Variants in FRMPD4 observed in about 807,000 individuals in gnomAD.
FRMPD4 encodes FERM and PDZ domain containing 4.
FRMPD4 carries 22 observed loss-of-function variants against 94.1 expected under a neutral mutation model. The observed-to-expected ratio is 0.23, with a 90% CI of 0.17 to 0.33. FRMPD4 has a LOEUF of 0.33. FRMPD4 is among the 10% of genes least tolerant of loss of function. The pLI, the probability that FRMPD4 is intolerant of heterozygous loss-of-function variation, is 1.00. For missense variants in FRMPD4, 1,111 were observed against 1,339.9 expected (o/e 0.83, Z 2.67); for synonymous variants, 631 against 548.6 (o/e 1.15, Z -2.10).
At chrX:12,611,853 T>C (rs1049587420) in intron 3 of FRMPD4, among the ~76,000 whole-genome samples, 2 of 104,260 alleles carry the variant, frequency 1.9e-5, no homozygotes, top group African/African-American at 6.7e-5. Flanking sequence ...AACAGATCTG[T>C]TGCTTCTTAT....
intron 1 of FRMPD4, among the ~76,000 whole-genome samples, chrX:12,163,280 A>G (rs926622964): frequency 1.8e-5 from 2 of 110,074 alleles, no homozygotes; most frequent in African/African-American, 6.6e-5. Context: ...TATTCCAATT[A>G]TTTATTCTCC....
chrX:12,635,620 G>A (rs751447076), intron 4 of FRMPD4, among the ~76,000 whole-genome samples: 7 of 111,266 alleles, frequency 6.3e-5, no homozygotes, highest in South Asian at 3.8e-4. Context: ...GGTCTGGGCC[G>A]TATTCCTGCC....
At chrX:12,696,586 C>CAAAAAAAAAAAAAAAAAAAAAAA (rs57877846) in intron 9 of FRMPD4, among the ~76,000 whole-genome samples, 2 of 30,061 alleles carry the variant, frequency 6.7e-5, no homozygotes, top group African/African-American at 1.1e-4. Flanking sequence ...AAAAATGAAG[C>CAAAAAAAAAAAAAAAAAAAAAAA]AAAAAAAAAA....
intron 1 of FRMPD4, among the ~76,000 whole-genome samples, chrX:12,452,573 G>A (rs781493047): frequency 1.1e-4 from 12 of 111,882 alleles, no homozygotes; most frequent in African/African-American, 3.9e-4. Flanking sequence ...CTCCTGCAAG[G>A]CCTATGTTTT....
intron 3 of FRMPD4, among the ~76,000 whole-genome samples, chrX:12,072,968 AG>A (rs886833578): frequency 1.8e-5 from 2 of 110,480 alleles, no homozygotes; most frequent in African/African-American, 6.6e-5. Context: ...TGTATCACTT[AG>A]GGTATTTATC....
intron 3 of FRMPD4, among the ~76,000 whole-genome samples, chrX:11,894,547 T>C (rs765481424): frequency 3.5e-4 from 39 of 112,399 alleles, no homozygotes; most frequent in Non-Finnish European, 6.4e-4. Flanking sequence ...TGGGGAACTA[T>C]AGAAACCCAG....
At chrX:12,452,073 G>A (rs1407315162) in intron 1 of FRMPD4, among the ~76,000 whole-genome samples, 4 of 110,481 alleles carry the variant, frequency 3.6e-5, no homozygotes, top group Admixed American at 9.7e-5. Context: ...TCTGTTTACA[G>A]GGATAATAAT....
intron 2 of FRMPD4, among the ~76,000 whole-genome samples, chrX:12,549,015 T>G (rs777980575): frequency 9.0e-6 from 1 of 111,714 alleles, no homozygotes; most frequent in Admixed American, 9.6e-5. Flanking sequence ...CCAGGTCGAT[T>G]TTTTTGGCAC....
intron 2 of FRMPD4, among the ~76,000 whole-genome samples, chrX:12,563,031 TAAC>T (rs984593544): frequency 1.8e-5 from 2 of 111,393 alleles, no homozygotes; most frequent in African/African-American, 6.5e-5. Context: ...AAAAATATTT[TAAC>T]AACAGTTACA....
At position 12,096,712 on chromosome X, in the gene FRMPD4, C is replaced by T. The variant is rs373150529; in HGVS notation, c.95+218694C>T. 2.0e-4 allele frequency among the ~76,000 whole-genome samples: 22 copies of T among 111,041 alleles called. No individual in the cohort carries two copies. In the South Asian group the frequency reaches 8.5e-3, roughly 43 times the overall value. On this transcript the variant is annotated intron_variant, in intron 3 of 18. Transcript: ENST00000640291. ...CCAGCCTGGGCAACATAGCAAGACC[C>T]GATTTCTCAAAAAATTTTTTAACAA...
At position 11,993,336 on chromosome X, in the gene FRMPD4, A is replaced by G. The variant is rs2054475702; in HGVS notation, c.95+115318A>G. 4.5e-5 allele frequency among the ~76,000 whole-genome samples: 5 copies of G among 111,105 alleles called. No individual in the cohort carries two copies. In the Admixed American group the frequency reaches 4.8e-4, roughly 11 times the overall value. On this transcript the variant is annotated intron_variant, in intron 3 of 18. Transcript: ENST00000640291. Reference sequence around the variant, plus strand: ...CAGTCCTGAGTTTTTCAGCCTTAGCACAATGGACATTTGGAGCTGGATAAT... The same window carrying G: ...CAGTCCTGAGTTTTTCAGCCTTAGCGCAATGGACATTTGGAGCTGGATAAT...
chrX:11,996,914 G>A (rs188789812), intron 3 of FRMPD4, among the ~76,000 whole-genome samples: 191 of 111,681 alleles, frequency 1.7e-3, no homozygotes, highest in South Asian at 3.3e-3. Flanking sequence ...TGAAAATGCC[G>A]TAGGAATGTA....
At chrX:11,909,019 T>C (rs1356529429) in intron 3 of FRMPD4, among the ~76,000 whole-genome samples, 2 of 112,147 alleles carry the variant, frequency 1.8e-5, no homozygotes, top group Non-Finnish European at 3.8e-5. Context: ...ATTGTCTTTT[T>C]CTTATAATAT....
intron 1 of FRMPD4, among the ~76,000 whole-genome samples, chrX:12,331,675 A>T (rs1366302206): frequency 8.0e-5 from 6 of 74,602 alleles, no homozygotes; most frequent in Non-Finnish European, 1.2e-4. Context: ...TAAATATATA[A>T]ATTATATATT....
At position 12,172,541 on chromosome X, in the gene FRMPD4, G is replaced by A. The variant is rs752920261; in HGVS notation, c.41+33529G>A. On this transcript the variant is annotated intron_variant, in intron 1 of 16. Coordinates refer to ENST00000675598, the MANE Select transcript of FRMPD4 (RefSeq NM_001368397.1). ...ACTGACTGCTGGGCCCACTCCTAGG[G>A]TTTCTGATTCAGCAGGTCTGGGGTG... 3.6e-5 allele frequency among the ~76,000 whole-genome samples: 4 copies of A among 112,038 alleles called. No individual in the cohort carries two copies. The South Asian group carries it at 1.5e-3, about 42-fold the overall frequency.
At chrX:12,039,585 C>T (rs2054740270) in intron 3 of FRMPD4, among the ~76,000 whole-genome samples, 1 of 110,681 alleles carries the variant, frequency 9.0e-6, no homozygotes, top group Non-Finnish European at 1.9e-5. Flanking sequence ...GGAGAACATA[C>T]ATTAAAATAA....
intron 3 of FRMPD4, among the ~76,000 whole-genome samples, chrX:12,057,576 A>T (rs2054861405): frequency 9.0e-6 from 1 of 111,501 alleles, no homozygotes; most frequent in South Asian, 3.8e-4. Flanking sequence ...TTTGTTTTCT[A>T]TTCCTAGTAA....
At position 12,683,543 on chromosome X, in the gene FRMPD4, A is replaced by G; in HGVS notation, c.529A>G (p.Lys177Glu). The G allele has an allele frequency of 8.4e-7, 1 of 1,189,238 alleles. No individual in the cohort carries two copies. The highest frequency in any genetic ancestry group is 1.1e-6 in the Non-Finnish European group (1 of 875,519). The change falls in exon 6 of 17, where the codon AAA becomes GAA. Residue 177 changes from lysine to glutamate, a missense_variant. Transcript: ENST00000675598. ...KKARLKSNPV[K>E]VRFSEEVIIN... ...GGCAAGATTAAAGTCCAATCCTGTC[A>G]AAGTACGCTTCTCTGAGGAGGTCAT...
At chrX:12,388,210 C>G (rs1346963820) in intron 1 of FRMPD4, among the ~76,000 whole-genome samples, 1 of 111,694 alleles carries the variant, frequency 9.0e-6, no homozygotes, top group Non-Finnish European at 1.9e-5. Context: ...ACTCACTGAG[C>G]TATACACTTA....
Sources: allele counts gnomAD v4.1 joint callset (sites outside exome capture counted in the v4.1 genomes callset), GRCh38; gene constraint gnomAD v4.1.1; transcripts MANE v1.5; gene names NCBI Gene and HGNC (gene_info 2026-07-23, HGNC 2026-07-21).